CAMTA1: variants seen among roughly 807,000 people sequenced by gnomAD.
CAMTA1 encodes the protein calmodulin-binding transcription activator 1.
In CAMTA1, 27 loss-of-function variants were observed where a neutral mutation model predicts 170.9. The ratio of observed to expected loss-of-function variants is 0.16; its 90% CI spans 0.12 to 0.22. CAMTA1 has a LOEUF of 0.22. Among genes scored for constraint, CAMTA1 ranks in the 10% least tolerant of loss-of-function variants. The pLI is 1.00. For synonymous variants in CAMTA1, 833 were observed against 891.5 expected, an observed-to-expected ratio of 0.93 and a Z score of 1.17; for missense variants, 1,619 against 2,217.2, an observed-to-expected ratio of 0.73 and a Z score of 5.42.
At chr1:7,514,027 C>T (rs943144451) in intron 6 of CAMTA1, among the ~76,000 whole-genome samples, 1 of 152,194 alleles carries the variant, frequency 6.6e-6, no homozygotes, top group African/African-American at 2.4e-5. Context: ...CTTATCTTAA[C>T]TAATTGTATC....
intron 5 of CAMTA1, among the ~76,000 whole-genome samples, chr1:7,411,726 A>T (rs548563901): frequency 5.7e-4 from 86 of 152,212 alleles, no homozygotes; most frequent in African/African-American, 1.9e-3. Context: ...AATGATTGTG[A>T]TGGGATAAAG....
intron 6 of CAMTA1, among the ~76,000 whole-genome samples, chr1:7,574,196 C>G (rs1283311273): frequency 7.6e-6 from 1 of 131,708 alleles, no homozygotes; most frequent in Non-Finnish European, 1.5e-5. Flanking sequence ...GAGAAAGACA[C>G]AACACCATGT....
rs749176148 is a variant in CAMTA1, at chr1:7,607,118, AGGATGGATGGAT to A, written c.511-33255_511-33244del. ...ATGGAGGAGTAGGTGGGTAGATGGA[AGGATGGATGGAT>A]GGATGGATGGATGGATGGATGGATG... On this transcript the variant is annotated intron_variant, in intron 6 of 22. Coordinates refer to ENST00000303635, the MANE Select transcript of CAMTA1 (RefSeq NM_015215.4). Among the ~76,000 whole-genome samples the A allele has an allele frequency of 3.0e-3, 446 of 149,678 alleles. 2 individuals carry two copies. Among genetic ancestry groups the A allele is most frequent in the Non-Finnish European group, 4.8e-3 (327 of 67,610 alleles).
intron 5 of CAMTA1, among the ~76,000 whole-genome samples, chr1:7,357,720 A>G (rs980812244): frequency 6.6e-6 from 1 of 152,058 alleles, no homozygotes; most frequent in Non-Finnish European, 1.5e-5. Flanking sequence ...GTCCTCGTCC[A>G]TGTGTGTTTT....
chr1:7,052,125 T>C lies in CAMTA1; in HGVS notation c.235-39179T>C, dbSNP rs924080315. ...CCCCAGGGCCACTTCTAGTTCACTG[T>C]CCCCCCTTGTCCTTGAGTCTGCATC... is the stretch of plus-strand genomic sequence containing the variant. On this transcript the variant is annotated intron_variant, in intron 3 of 22. Transcript: ENST00000303635. 1.3e-4 allele frequency among the ~76,000 whole-genome samples: 20 copies of C among 152,054 alleles called. 1 individual carries two copies. The highest frequency in any genetic ancestry group is 4.3e-4 in the African/African-American group (18 of 41,386).
At chr1:7,516,845 A>G (rs1209356227) in intron 6 of CAMTA1, among the ~76,000 whole-genome samples, 4 of 152,214 alleles carry the variant, frequency 2.6e-5, no homozygotes, top group African/African-American at 7.2e-5. Context: ...GGAGTCACAC[A>G]GGAGACCCTG....
chr1:6,949,657 G>A (rs572411537), intron 3 of CAMTA1, among the ~76,000 whole-genome samples: 2 of 152,222 alleles, frequency 1.3e-5, no homozygotes, highest in South Asian at 2.1e-4. Flanking sequence ...TCAGATCCCT[G>A]CAGCTCACTC....
rs951856274 is a variant in CAMTA1 at position 7,767,176 on chromosome 1, A to G, written c.*685A>G. The G allele has an allele frequency of 1.3e-5, 2 of 152,814 alleles. No homozygotes were observed. The highest frequency in any genetic ancestry group is 4.8e-5 in the African/African-American group (2 of 41,454). The allele number at this position is 152,814 out of a possible 1,614,324, so 9.5% of individuals were successfully genotyped here. On this transcript the variant is annotated 3_prime_UTR_variant, in exon 23 of 23. Transcript: ENST00000303635. The stretch of plus-strand genomic sequence containing the variant: ...CAGGTGTGTGGTAAACGGGTAATGC[A>G]TGGGAAATAATGAGAAGCAGCTCAC...
chr1:6,949,920 A>T (rs1688193218), intron 3 of CAMTA1, among the ~76,000 whole-genome samples: 1 of 152,168 alleles, frequency 6.6e-6, no homozygotes, highest in South Asian at 2.1e-4. Flanking sequence ...TCCCCATGGG[A>T]CAGGAAAAGG....
intron 5 of CAMTA1, among the ~76,000 whole-genome samples, chr1:7,451,178 A>C (rs2092816114): frequency 1.3e-5 from 2 of 151,888 alleles, no homozygotes; most frequent in African/African-American, 4.8e-5. Context: ...CCCGTCCCTG[A>C]CTCCAGTTGA....
chr1:7,763,413 A>T (rs1325182389), intron 22 of CAMTA1, among the ~76,000 whole-genome samples: 1 of 152,202 alleles, frequency 6.6e-6, no homozygotes. Flanking sequence ...AAGCCTGGAA[A>T]ATATATCTGA....
chr1:7,419,882 T>C (rs995155038), intron 5 of CAMTA1, among the ~76,000 whole-genome samples: 1 of 152,098 alleles, frequency 6.6e-6, no homozygotes, highest in Non-Finnish European at 1.5e-5. Flanking sequence ...GGCTCTTCCT[T>C]CAGAGTGCTT....
At position 7,677,749 on chromosome 1, in the gene CAMTA1, G is replaced by A. The variant is rs765095290; in HGVS notation, c.2914+16G>A. ...TCGTTGGACGGTAAGAACAGTGCTT[G>A]GGTCGTCTTGCCAGGCACCAAGGGA... is the stretch of plus-strand genomic sequence containing the variant. On this transcript the variant is annotated intron_variant, in intron 11 of 22. Coordinates refer to ENST00000303635, the MANE Select transcript of CAMTA1 (RefSeq NM_015215.4). The A allele has an allele frequency of 6.2e-7, 1 of 1,608,850 alleles. No homozygotes were observed. Among genetic ancestry groups the A allele is most frequent in the East Asian group, 2.2e-5 (1 of 44,750 alleles).
intron 3 of CAMTA1, among the ~76,000 whole-genome samples, chr1:7,027,836 T>C (rs1369772248): frequency 6.6e-6 from 1 of 152,210 alleles, no homozygotes; most frequent in African/African-American, 2.4e-5. Context: ...TTTTTATTTG[T>C]TCCCTTCAGT....
chr1:7,118,290 C>CT (rs58318758), intron 4 of CAMTA1, among the ~76,000 whole-genome samples: 36,729 of 112,470 alleles, frequency 0.33, 7,682 homozygotes, highest in African/African-American at 0.5. Context: ...TCTTGGCATC[C>CT]TTTTTTTTTT....
chr1:6,850,541 C>G (rs747814182), intron 3 of CAMTA1, among the ~76,000 whole-genome samples: 45 of 152,070 alleles, frequency 3.0e-4, no homozygotes, highest in Non-Finnish European at 6.6e-4. Context: ...AGTTGTTGGG[C>G]CTTATTTCCT....
chr1:7,423,404 G>T (rs537811674), intron 5 of CAMTA1, among the ~76,000 whole-genome samples: 3 of 151,146 alleles, frequency 2.0e-5, no homozygotes, highest in Non-Finnish European at 4.4e-5. Flanking sequence ...CGGAGGCAGA[G>T]GTTGCAGTGA....
chr1:7,638,763 G>A (rs544083753), intron 6 of CAMTA1, among the ~76,000 whole-genome samples: 113 of 152,294 alleles, frequency 7.4e-4, no homozygotes, highest in African/African-American at 2.7e-3. Context: ...TAACAAACTT[G>A]TCAGTATTGT....
At chr1:7,549,238 T>TG (rs1410663144) in intron 6 of CAMTA1, among the ~76,000 whole-genome samples, 2 of 139,312 alleles carry the variant, frequency 1.4e-5, no homozygotes, top group African/African-American at 5.4e-5. Context: ...CCATGCAGGG[T>TG]CCCTCTTAGG....
Sources: allele counts gnomAD v4.1 joint callset (sites outside exome capture counted in the v4.1 genomes callset), GRCh38; gene constraint gnomAD v4.1.1; transcripts MANE v1.5; gene names NCBI Gene and HGNC (gene_info 2026-07-23, HGNC 2026-07-21).